TFE3: variants seen among roughly 807,000 people sequenced by gnomAD.
TFE3 encodes transcription factor E3.
A neutral mutation model predicts 35.0 loss-of-function variants in TFE3; 5 were observed. The observed-to-expected ratio is 0.14, with a 90% CI of 0.07 to 0.30. The LOEUF is 0.30. Ranked by LOEUF, TFE3 falls within the 10% of genes least tolerant of loss-of-function variation. The probability of loss-of-function intolerance (pLI) is 1.00; values close to 1 mark genes in which losing one functional copy is unlikely to be tolerated. For synonymous variants in TFE3, 211 were observed against 215.6 expected (o/e 0.98, Z 0.18); for missense variants, 374 against 496.6 (o/e 0.75, Z 2.35).
At chrX:49,034,388 C>T (rs1031274197) in intron 5 of TFE3, 137 bp from the exon 6 acceptor site, 2 of 478,373 alleles carry the variant, frequency 4.2e-6, no homozygotes, top group Admixed American at 6.3e-5. Context: ...TGACTCAGCA[C>T]CAGAACCCTT....
rs1160892402 is a variant in TFE3 at position 49,033,791 on chromosome X, G to C, written c.1004-9C>G. 3 of 1,209,465 alleles carry C rather than the reference G, an allele frequency of 2.5e-6. No individual in the cohort carries two copies. The highest frequency in any genetic ancestry group is 1.7e-5 in the African/African-American group (1 of 57,296). ...GGCCTTTGCCTCGGTCTCTGGAAAAGAGTGGAGTGATCAGGGCCTCTGAGC... is the reference window on the plus strand; with the variant it reads ...GGCCTTTGCCTCGGTCTCTGGAAAACAGTGGAGTGATCAGGGCCTCTGAGC... On this transcript the variant is annotated splice_polypyrimidine_tract_variant and intron_variant, in intron 6 of 9. Transcript: ENST00000315869.
intron 3 of TFE3, among the ~76,000 whole-genome samples, chrX:49,038,799 T>G (rs2147776801): frequency 9.1e-6 from 1 of 109,698 alleles, no homozygotes; most frequent in East Asian, 2.9e-4. Flanking sequence ...GCCAAAGAAC[T>G]AATGTATCCC....
rs1225967893 is a variant in TFE3, at chrX:49,030,147, G to A, written c.*11C>T. 4.2e-6 allele frequency: 5 copies of A among 1,201,466 alleles called. No homozygotes were observed. Among genetic ancestry groups the A allele is most frequent in the Middle Eastern group, 2.3e-4 (1 of 4,287 alleles). The stretch of plus-strand genomic sequence containing the variant: ...TGGGTGGGAAAGTCCCAGGGGAGGG[G>A]TGAGGCCTGATCAGGACTCCTCTTC... On this transcript the variant is annotated 3_prime_UTR_variant, in exon 10 of 10. Transcript: ENST00000315869.
At chrX:49,033,401 A>G in intron 8 of TFE3, 64 bp downstream of exon 8, 1 of 1,107,586 alleles carries the variant, frequency 9.0e-7, no homozygotes, top group South Asian at 1.9e-5. Flanking sequence ...CCAAGGCACA[A>G]TTTTAGTAGC....
At chrX:49,037,504 G>A (rs782675010) in intron 5 of TFE3, among the ~76,000 whole-genome samples, 3 of 109,449 alleles carry the variant, frequency 2.7e-5, no homozygotes, top group East Asian at 5.8e-4. Context: ...TTCAAGACCC[G>A]CCTGACCAAC....
chrX:49,037,158 G>A, intron 5 of TFE3, among the ~76,000 whole-genome samples: 1 of 111,549 alleles, frequency 9.0e-6, no homozygotes, highest in East Asian at 2.8e-4. Flanking sequence ...ACAAAAATTA[G>A]CCAAGCGTAG....
chrX:49,030,012 A>G lies in TFE3; in HGVS notation c.*146T>C. 1.6e-6 allele frequency: 1 copy of G among 630,542 alleles called. No individual in the cohort carries two copies. The highest frequency in any genetic ancestry group is 2.5e-6 in the Non-Finnish European group (1 of 400,718). The allele number at this position is 630,542 out of a possible 1,213,427, so 52.0% of individuals were successfully genotyped here. ...TGACTCCTCCTCCTTGCCTGATTACAGGGGTGGGGCCTGATCACATCTCCT... is the reference window on the plus strand; with the variant it reads ...TGACTCCTCCTCCTTGCCTGATTACGGGGGTGGGGCCTGATCACATCTCCT... On this transcript the variant is annotated 3_prime_UTR_variant, in exon 10 of 10. Transcript: ENST00000315869.
At chrX:49,038,545 T>A in intron 3 of TFE3, 103 bp from the exon 4 acceptor site, 1 of 1,021,108 alleles carries the variant, frequency 9.8e-7, no homozygotes, top group Non-Finnish European at 1.3e-6. Context: ...CATTGGTGCC[T>A]AGACTCACGC....
At chrX:49,042,964 TCCTTAGGTGCCCCC>T (rs2064767088) in intron 1 of TFE3, 133 bp downstream of exon 1, 3 of 422,544 alleles carry the variant, frequency 7.1e-6, no homozygotes, top group Non-Finnish European at 1.2e-5. Context: ...ACTGCCGGAT[TCCTTAGGTGCCCCC>T]CCAAGACGGG....
intron 8 of TFE3, among the ~76,000 whole-genome samples, chrX:49,032,519 C>A (rs1369197096): frequency 9.1e-6 from 1 of 109,965 alleles, no homozygotes; most frequent in Non-Finnish European, 1.9e-5. Flanking sequence ...ATTACAGGTG[C>A]CCACCACCAC....
At chrX:49,031,875 T>C (rs2064701447) in intron 8 of TFE3, 1 of 154,007 alleles carries the variant, frequency 6.5e-6, no homozygotes, top group Admixed American at 7.9e-5. Flanking sequence ...AGGGCATCAA[T>C]CCCAGCCGTG....
rs1253062327 is a variant in TFE3, at chrX:49,030,670, A to C, written c.1285-69T>G. On this transcript the variant is annotated intron_variant, in intron 9 of 9. Coordinates refer to ENST00000315869, the MANE Select transcript of TFE3 (RefSeq NM_006521.6). ...GTCCCTCAGAGGCAGAGGAGTATAAAGGTTGAAAAGGGTAGGTTCCCTGGG... is the reference window on the plus strand; with the variant it reads ...GTCCCTCAGAGGCAGAGGAGTATAACGGTTGAAAAGGGTAGGTTCCCTGGG... 6.3e-6 allele frequency: 6 copies of C among 945,537 alleles called. No homozygotes were observed. The African/African-American group carries it at 1.2e-4, about 18-fold the overall frequency. 77.9% of individuals were successfully genotyped at this position (945,537 alleles called of 1,213,427 possible).
intron 8 of TFE3, 78 bp downstream of exon 8, chrX:49,033,387 C>A: frequency 1.0e-6 from 1 of 970,615 alleles, no homozygotes. Context: ...GCCTGGTGAG[C>A]CCACCAAGGC....
intron 5 of TFE3, among the ~76,000 whole-genome samples, chrX:49,037,126 A>C (rs1230981750): frequency 1.8e-5 from 2 of 111,258 alleles, no homozygotes; most frequent in Admixed American, 1.9e-4. Context: ...TCACAGGGTG[A>C]AACCCGGTCT....
chrX:49,041,082 G>A (rs910884931), intron 1 of TFE3, among the ~76,000 whole-genome samples: 2 of 109,555 alleles, frequency 1.8e-5, no homozygotes, highest in Non-Finnish European at 3.8e-5. Flanking sequence ...ACAGGCACAC[G>A]CCACCACGTC....
chrX:49,036,275 C>G (rs781953513), intron 5 of TFE3, among the ~76,000 whole-genome samples: 2 of 107,617 alleles, frequency 1.9e-5, no homozygotes, highest in South Asian at 4.2e-4. Context: ...CGAGACCAGC[C>G]TGACCAACAT....
intron 6 of TFE3, among the ~76,000 whole-genome samples, 169 bp from the exon 7 acceptor site, chrX:49,033,951 C>A (rs968351524): frequency 1.8e-5 from 2 of 111,974 alleles, no homozygotes; most frequent in African/African-American, 6.5e-5. Flanking sequence ...AAATCCAAGA[C>A]GAGAGGAACT....
chrX:49,029,864 C>T lies in TFE3; in HGVS notation c.*294G>A, dbSNP rs1557073350. 4.0e-6 allele frequency: 2 copies of T among 499,430 alleles called. No individual in the cohort carries two copies. The highest frequency in any genetic ancestry group is 7.4e-6 in the Non-Finnish European group (2 of 269,655). The allele number at this position is 499,430 out of a possible 1,213,427, so 41.2% of individuals were successfully genotyped here. On this transcript the variant is annotated 3_prime_UTR_variant, in exon 10 of 10. Transcript: ENST00000315869. ...CTCACCTGGGCAAGGATGAGTCCCA[C>T]AGGGGCAGGGGTGAGGCTGTGATCC... is the stretch of plus-strand genomic sequence containing the variant.
In TFE3 at chrX:49,030,104, T is replaced by A. The variant is rs1557073425; in HGVS notation, c.*54A>T. ...TGGGGGAAAAGGCGGGGCCTCATCCTGACTGGTCCTCCTTTCCTGGGTGGG... is the reference window on the plus strand; with the variant it reads ...TGGGGGAAAAGGCGGGGCCTCATCCAGACTGGTCCTCCTTTCCTGGGTGGG... On this transcript the variant is annotated 3_prime_UTR_variant, in exon 10 of 10. Coordinates refer to ENST00000315869, the MANE Select transcript of TFE3 (RefSeq NM_006521.6). 1 of 1,154,969 alleles carries A rather than the reference T, an allele frequency of 8.7e-7. No homozygotes were observed. Among genetic ancestry groups the A allele is most frequent in the South Asian group, 1.9e-5 (1 of 52,574 alleles).
Sources: allele counts gnomAD v4.1 joint callset (sites outside exome capture counted in the v4.1 genomes callset), GRCh38; gene constraint gnomAD v4.1.1; transcripts MANE v1.5; gene names NCBI Gene and HGNC (gene_info 2026-07-23, HGNC 2026-07-21).